Variants in CBL observed in about 807,000 individuals in gnomAD.
CBL encodes the protein Cbl proto-oncogene.
In CBL, 45 loss-of-function variants were observed where a neutral mutation model predicts 96.9. That is an observed-to-expected ratio of 0.46 (90% CI 0.37 to 0.60). The LOEUF (loss-of-function observed/expected upper bound fraction) is 0.60. Among genes scored for constraint, CBL ranks in the 20% least tolerant of loss-of-function variants. The probability of loss-of-function intolerance (pLI) is 0.00; values close to 1 mark genes in which losing one functional copy is unlikely to be tolerated. For missense variants in CBL, 1,024 were observed against 1,143.5 expected (o/e 0.90, Z 1.51); for synonymous variants, 420 against 426.8 (o/e 0.98, Z 0.20).
intron 2 of CBL, among the ~76,000 whole-genome samples, chr11:119,236,595 GTATATATATA>G (rs71048051): frequency 1.2e-4 from 17 of 137,736 alleles, no homozygotes; most frequent in South Asian, 2.3e-4. Context: ...CTTCTTTTGA[GTATATATATA>G]TATATATATA....
intron 2 of CBL, among the ~76,000 whole-genome samples, chr11:119,257,915 A>G (rs1949722990): frequency 2.0e-5 from 3 of 152,046 alleles, no homozygotes; most frequent in Admixed American, 6.6e-5. Context: ...GTATTAGTCC[A>G]TTCTTGTACT....
Position 119,276,045 on chromosome 11 carries a change from G to A in CBL, c.918G>A (p.Gly306=), listed in dbSNP as rs2135301518. 1 of 1,613,892 alleles carries A rather than the reference G, an allele frequency of 6.2e-7. No individual in the cohort carries two copies. The highest frequency in any genetic ancestry group is 8.5e-7 in the Non-Finnish European group (1 of 1,179,804). ...SCTRLGQWAI[G]YVTADGNILQ... is the part of the protein sequence containing the mutation. ...CTCGTCTGGGTCAGTGGGCTATTGGGTATGTTACTGCTGATGGGAACATTC... is the reference window on the plus strand; with the variant it reads ...CTCGTCTGGGTCAGTGGGCTATTGGATATGTTACTGCTGATGGGAACATTC... Residue 306 remains glycine, a synonymous_variant, in exon 6 of 16, where the codon GGG becomes GGA. Coordinates refer to ENST00000264033, the MANE Select transcript of CBL (RefSeq NM_005188.4).
intron 1 of CBL, among the ~76,000 whole-genome samples, chr11:119,222,327 C>T (rs937578323): frequency 1.3e-5 from 2 of 152,196 alleles, no homozygotes; most frequent in African/African-American, 4.8e-5. Context: ...TAGCAATTTT[C>T]AAGCATAGTT....
intron 2 of CBL, among the ~76,000 whole-genome samples, chr11:119,264,457 C>G (rs922280891): frequency 2.5e-5 from 3 of 118,414 alleles, no homozygotes; most frequent in African/African-American, 9.2e-5. Flanking sequence ...CTTCTCTTCT[C>G]TTCTCTTTTC....
At chr11:119,206,941 G>C (rs1182778600) in intron 1 of CBL, among the ~76,000 whole-genome samples, 1 of 152,088 alleles carries the variant, frequency 6.6e-6, no homozygotes, top group Non-Finnish European at 1.5e-5. Context: ...GGAGTTTGGG[G>C]CTCTGTGCAG....
chr11:119,232,676 G>T lies in CBL; in HGVS notation c.424G>T (p.Glu142Ter). ...LFKEGKERMY[E>*]ENSQPRRNLT... is the part of the protein sequence containing the mutation. ...CAAGGAGGGAAAAGAAAGAATGTAT[G>T]AGGAGAATTCTCAGCCTAGGTAATG... is the stretch of plus-strand genomic sequence containing the variant. Residue 142 changes from glutamate to a stop codon, truncating the protein, a stop_gained, in exon 2 of 16, where the codon GAG (glutamate) becomes TAG (stop). Transcript: ENST00000264033. LOFTEE classifies it high-confidence loss of function. 1 of 1,613,594 alleles carries T rather than the reference G, an allele frequency of 6.2e-7. No individual in the cohort carries two copies. Among genetic ancestry groups the T allele is most frequent in the South Asian group, 1.1e-5 (1 of 91,032 alleles).
intron 2 of CBL, among the ~76,000 whole-genome samples, chr11:119,255,321 CAA>C: frequency 6.6e-6 from 1 of 152,164 alleles, no homozygotes; most frequent in Middle Eastern, 3.4e-3. Flanking sequence ...CCAGAAAGAA[CAA>C]AAAGATCAGT....
At chr11:119,207,883 G>A (rs1440283190) in intron 1 of CBL, among the ~76,000 whole-genome samples, 3 of 152,138 alleles carry the variant, frequency 2.0e-5, no homozygotes, top group Non-Finnish European at 4.4e-5. Flanking sequence ...ACTAGAAACC[G>A]CTAATAAAAT....
rs1180574191 is a variant in CBL, at chr11:119,304,780, C to A, written c.*4999C>A. ...AGCTGGGATTACAGGCGCCTGCCAC[C>A]ATGCCCAGCTAATGTTCATATTTTT... On this transcript the variant is annotated 3_prime_UTR_variant, in exon 16 of 16. Transcript: ENST00000264033. 5.2e-6 allele frequency: 1 copy of A among 193,170 alleles called. No homozygotes were observed. The highest frequency in any genetic ancestry group is 1.1e-5 in the Non-Finnish European group (1 of 92,612). The allele number at this position is 193,170 out of a possible 1,614,324, so 12.0% of individuals were successfully genotyped here.
chr11:119,269,528 T>G (rs985962232), intron 2 of CBL, among the ~76,000 whole-genome samples: 2 of 152,132 alleles, frequency 1.3e-5, no homozygotes, highest in African/African-American at 4.8e-5. Context: ...AATAGCATTT[T>G]TCGAACAAGT....
intron 1 of CBL, among the ~76,000 whole-genome samples, chr11:119,224,897 A>C (rs1949444889): frequency 6.6e-6 from 1 of 152,044 alleles, no homozygotes. Flanking sequence ...AGCGGGAGGC[A>C]AGGGGGCAGG....
chr11:119,248,731 G>C (rs1007228723), intron 2 of CBL, among the ~76,000 whole-genome samples: 2 of 152,138 alleles, frequency 1.3e-5, no homozygotes, highest in African/African-American at 4.8e-5. Context: ...ATATTTACAA[G>C]TTATATATTT....
chr11:119,249,432 GTAATCCCAGC>G (rs1466710265), intron 2 of CBL, among the ~76,000 whole-genome samples: 2 of 151,794 alleles, frequency 1.3e-5, no homozygotes, highest in Non-Finnish European at 2.9e-5. Flanking sequence ...GCACACGCCT[GTAATCCCAGC>G]TAGTTGGGAG....
chr11:119,273,754 A>AG (rs1949866343), intron 3 of CBL, 114 bp from the exon 4 acceptor site: 1 of 897,198 alleles, frequency 1.1e-6, no homozygotes, highest in South Asian at 1.4e-5. Context: ...AATTACGAGA[A>AG]TTGAAATTGG....
chr11:119,294,148 G>T (rs1344056780), intron 12 of CBL, among the ~76,000 whole-genome samples: 2 of 152,194 alleles, frequency 1.3e-5, no homozygotes, highest in Non-Finnish European at 2.9e-5. Context: ...ATTTTTAAAA[G>T]TTAGGCACGG....
intron 15 of CBL, among the ~76,000 whole-genome samples, chr11:119,298,965 T>C (rs1046610631): frequency 2.0e-5 from 3 of 152,224 alleles, no homozygotes; most frequent in African/African-American, 7.2e-5. Flanking sequence ...CTGCTCTTCT[T>C]GCACCTGTGG....
At chr11:119,242,403 T>C (rs1360166276) in intron 2 of CBL, among the ~76,000 whole-genome samples, 1 of 151,420 alleles carries the variant, frequency 6.6e-6, no homozygotes, top group Non-Finnish European at 1.5e-5. Flanking sequence ...CTGGGCATGG[T>C]GGCGGGTACC....
chr11:119,266,002 G>C (rs909249450), intron 2 of CBL, among the ~76,000 whole-genome samples: 1 of 116,096 alleles, frequency 8.6e-6, no homozygotes, highest in Non-Finnish European at 1.7e-5. Flanking sequence ...CTGGGCGACA[G>C]AGCGAGACTC....
intron 1 of CBL, among the ~76,000 whole-genome samples, chr11:119,228,055 A>G (rs1592375379): frequency 6.9e-6 from 1 of 145,940 alleles, no homozygotes; most frequent in African/African-American, 2.5e-5. Context: ...ACCTATGCTC[A>G]CTCTTTTTTT....
Sources: allele counts gnomAD v4.1 joint callset (sites outside exome capture counted in the v4.1 genomes callset), GRCh38; gene constraint gnomAD v4.1.1; transcripts MANE v1.5; gene names NCBI Gene and HGNC (gene_info 2026-07-23, HGNC 2026-07-21).